PDSS2: variants seen among roughly 807,000 people sequenced by gnomAD.
The protein encoded by PDSS2 is decaprenyl diphosphate synthase subunit 2.
Under a neutral mutation model 44.5 loss-of-function variants are expected in PDSS2, and 31 were observed. The ratio of observed to expected loss-of-function variants is 0.70; its 90% CI spans 0.52 to 0.94. PDSS2 has a LOEUF of 0.94. Among genes scored for constraint, PDSS2 ranks in the 40% least tolerant of loss-of-function variants. The pLI is 0.00. For missense variants in PDSS2, 452 were observed against 482.2 expected, an observed-to-expected ratio of 0.94 and a Z score of 0.59; for synonymous variants, 157 against 180.3, an observed-to-expected ratio of 0.87 and a Z score of 1.03.
At chr6:107,336,609 C>T (rs577508240) in intron 1 of PDSS2, among the ~76,000 whole-genome samples, 3 of 152,036 alleles carry the variant, frequency 2.0e-5, no homozygotes, top group South Asian at 2.1e-4. Context: ...CTGAATTTTA[C>T]GGCGGTTAAG....
chr6:107,437,411 G>A (rs1326172910), intron 1 of PDSS2, among the ~76,000 whole-genome samples: 1 of 151,410 alleles, frequency 6.6e-6, no homozygotes, highest in Non-Finnish European at 1.5e-5. Flanking sequence ...TATAGTCCCA[G>A]CTACTCAGGA....
chr6:107,365,193 TTATAA>T (rs559550460), intron 1 of PDSS2, among the ~76,000 whole-genome samples: 59 of 152,254 alleles, frequency 3.9e-4, no homozygotes, highest in African/African-American at 1.0e-3. Flanking sequence ...TATAATGGAC[TTATAA>T]TATATAGAAA....
chr6:107,459,236 G>A lies in PDSS2; in HGVS notation c.50C>T (p.Ser17Leu), dbSNP rs373021095. 123 of 1,614,166 alleles carry A rather than the reference G, an allele frequency of 7.6e-5. No individual in the cohort carries two copies. The highest frequency in any genetic ancestry group is 2.5e-4 in the Admixed American group (15 of 60,028). The stretch of plus-strand genomic sequence containing the variant: ...CCACCACAGGCGACGCGGGGAACCC[G>A]AGGCTCCAAGATAACGTGGCAAGTG... ...LLHLPRYLGA[S>L]GSPRRLWWSP... is the part of the protein sequence containing the mutation. The change falls in exon 1 of 8, where the codon TCG becomes TTG. Residue 17 changes from serine to leucine, a missense_variant. By Grantham distance (145) the Ser-to-Leu change is moderately radical. Transcript: ENST00000369037. This position sits in a 1 kb window ranked among gnomAD's most constrained non-coding sequence, Gnocchi z 4.3.
At chr6:107,455,773 A>AAAC (rs1782021266) in intron 1 of PDSS2, among the ~76,000 whole-genome samples, 3 of 151,070 alleles carry the variant, frequency 2.0e-5, no homozygotes, top group African/African-American at 7.3e-5. Context: ...AAAAAAAAAA[A>AAAC]AAAAAAAAAA....
At chr6:107,215,737 CATA>C (rs1177730469) in intron 4 of PDSS2, among the ~76,000 whole-genome samples, 3 of 152,178 alleles carry the variant, frequency 2.0e-5, no homozygotes, top group African/African-American at 2.4e-5. Flanking sequence ...TTATTATTAA[CATA>C]ATAAATTGTA....
chr6:107,367,802 C>CAGA (rs1204767939), intron 1 of PDSS2, among the ~76,000 whole-genome samples: 2 of 101,668 alleles, frequency 2.0e-5, no homozygotes, highest in African/African-American at 8.3e-5. Context: ...AACTCTGTCT[C>CAGA]AAAAAAAAAA....
At chr6:107,253,925 G>A (rs1372935518) in intron 3 of PDSS2, among the ~76,000 whole-genome samples, 1 of 152,102 alleles carries the variant, frequency 6.6e-6, no homozygotes, top group African/African-American at 2.4e-5. Context: ...CACTTTGTGA[G>A]GCCAAGGTGG....
chr6:107,300,342 A>G (rs1203514980), intron 2 of PDSS2, among the ~76,000 whole-genome samples: 3 of 152,090 alleles, frequency 2.0e-5, no homozygotes, highest in Admixed American at 2.0e-4. Context: ...CTACGCCCCA[A>G]TTCAGCAGGA....
intron 7 of PDSS2, among the ~76,000 whole-genome samples, chr6:107,188,186 T>C (rs1050225409): frequency 2.0e-5 from 3 of 152,254 alleles, no homozygotes; most frequent in Middle Eastern, 3.4e-3. Context: ...GAGACCAGCC[T>C]GAGCAATGTG....
chr6:107,429,390 T>G (rs1781100241), intron 1 of PDSS2, among the ~76,000 whole-genome samples: 1 of 152,152 alleles, frequency 6.6e-6, no homozygotes, highest in African/African-American at 2.4e-5. Context: ...CAGAAAACTC[T>G]ACCAAACTCC....
rs965598437 is a variant in PDSS2 at position 107,210,535 on chromosome 6, C to T, written c.912G>A (p.Lys304=). ...NSDVQPFIKE[K]TSDSMTFNLN... ...GATTAAAAGTCATGGAGTCACTGGTCTTTTCTTTAATAAAAGGCTGGACAT... is the reference window on the plus strand; with the variant it reads ...GATTAAAAGTCATGGAGTCACTGGTTTTTTCTTTAATAAAAGGCTGGACAT... The change falls in exon 6 of 8, where the codon AAG becomes AAA. Residue 304 remains lysine, a synonymous_variant. Coordinates refer to ENST00000369037, the MANE Select transcript of PDSS2 (RefSeq NM_020381.4). 6 of 1,602,798 alleles carry T rather than the reference C, an allele frequency of 3.7e-6. No individual in the cohort carries two copies. In the South Asian group the frequency reaches 5.5e-5, roughly 15 times the overall value.
intron 4 of PDSS2, among the ~76,000 whole-genome samples, chr6:107,224,612 G>C (rs1159930981): frequency 6.6e-6 from 1 of 151,172 alleles, no homozygotes; most frequent in Non-Finnish European, 1.5e-5. Flanking sequence ...TATATATAGA[G>C]AGAGTAAAAT....
chr6:107,440,607 G>A (rs1411968391), intron 1 of PDSS2, among the ~76,000 whole-genome samples: 1 of 152,198 alleles, frequency 6.6e-6, no homozygotes, highest in Non-Finnish European at 1.5e-5. Context: ...AGCTACTAAA[G>A]GTTTTGTGCC....
intron 6 of PDSS2, among the ~76,000 whole-genome samples, chr6:107,202,047 A>G (rs540056596): frequency 2.0e-5 from 3 of 152,210 alleles, no homozygotes; most frequent in South Asian, 4.2e-4. Context: ...TTAATTACTT[A>G]TTTGTTTGTC....
chr6:107,398,156 T>C (rs1225076209), intron 1 of PDSS2, among the ~76,000 whole-genome samples: 1 of 152,208 alleles, frequency 6.6e-6, no homozygotes, highest in Non-Finnish European at 1.5e-5. Context: ...GTGGTTACAT[T>C]GCTCCTCCTT....
intron 1 of PDSS2, among the ~76,000 whole-genome samples, chr6:107,361,856 C>T (rs981050481): frequency 1.3e-5 from 2 of 152,248 alleles, no homozygotes; most frequent in African/African-American, 2.4e-5. Context: ...GAGTTTAAGA[C>T]ATCCTTGCCA....
At chr6:107,228,509 C>T (rs753973422) in intron 4 of PDSS2, among the ~76,000 whole-genome samples, 1 of 152,044 alleles carries the variant, frequency 6.6e-6, no homozygotes, top group Non-Finnish European at 1.5e-5. Context: ...GCCTGGCCAA[C>T]GTGGTGAAAC....
At chr6:107,454,047 C>CTTTTT (rs34161602) in intron 1 of PDSS2, among the ~76,000 whole-genome samples, 1 of 131,592 alleles carries the variant, frequency 7.6e-6, no homozygotes, top group Non-Finnish European at 1.6e-5. Context: ...TTTCAGACTT[C>CTTTTT]TTTTTTTTTT....
chr6:107,364,027 C>T (rs577103892), intron 1 of PDSS2, among the ~76,000 whole-genome samples: 2 of 150,690 alleles, frequency 1.3e-5, no homozygotes, highest in Admixed American at 6.6e-5. Flanking sequence ...AGGTTCTCCA[C>T]GTCCTCACCA....
Sources: gnomAD v4.1 joint callset for allele counts (sites outside exome capture counted in the v4.1 genomes callset) on GRCh38, gnomAD v4.1.1 for gene constraint, Gnocchi (gnomAD v3.1) non-coding constraint, MANE v1.5 for transcripts, NCBI Gene and HGNC (gene_info 2026-07-23, HGNC 2026-07-21) for gene names.